The following CDH13 variants were observed in gnomAD, a reference collection of about 807,000 sequenced individuals.
CDH13 encodes the protein cadherin-13.
A neutral mutation model predicts 63.8 loss-of-function variants in CDH13; 24 were observed. The observed-to-expected ratio is 0.38, with a 90% CI of 0.27 to 0.53. The LOEUF is 0.53. CDH13 is among the 20% of genes least tolerant of loss of function. The pLI, the probability that CDH13 is intolerant of heterozygous loss-of-function variation, is 0.85. For synonymous variants in CDH13, 503 were observed against 355.3 expected, an observed-to-expected ratio of 1.42 and a Z score of -4.67; for missense variants, 1,049 against 903.1, an observed-to-expected ratio of 1.16 and a Z score of -2.07.
At chr16:83,478,835 A>AG in intron 6 of CDH13, among the ~76,000 whole-genome samples, 1 of 113,604 alleles carries the variant, frequency 8.8e-6, no homozygotes. Context: ...TTTGAAGATG[A>AG]GAAAAAAAAA....
At chr16:83,046,231 G>A (rs1917771343) in intron 3 of CDH13, among the ~76,000 whole-genome samples, 1 of 152,112 alleles carries the variant, frequency 6.6e-6, no homozygotes, top group Admixed American at 6.5e-5. Flanking sequence ...TCATCTCACT[G>A]GGGCCCATAG....
chr16:83,284,270 G>A (rs1487228963), intron 5 of CDH13, among the ~76,000 whole-genome samples: 3 of 152,174 alleles, frequency 2.0e-5, no homozygotes, highest in African/African-American at 7.2e-5. Flanking sequence ...AAGAATCTGA[G>A]TAGTCAAAGC....
intron 8 of CDH13, among the ~76,000 whole-genome samples, chr16:83,669,475 T>C (rs546811896): frequency 2.1e-4 from 32 of 152,268 alleles, no homozygotes; most frequent in Admixed American, 1.4e-3. Flanking sequence ...CAGATCAAAA[T>C]AATTGCACCC....
chr16:83,794,378 C>A (rs1395385194), intron 13 of CDH13, among the ~76,000 whole-genome samples: 1 of 151,904 alleles, frequency 6.6e-6, no homozygotes, highest in Non-Finnish European at 1.5e-5. Flanking sequence ...CATGGCGAAA[C>A]TCCATCTCTA....
At position 82,747,277 on chromosome 16, in the gene CDH13, G is replaced by A. The variant is rs111817058; in HGVS notation, c.46-111085G>A. On this transcript the variant is annotated intron_variant, in intron 1 of 13. Coordinates refer to ENST00000567109, the MANE Select transcript of CDH13 (RefSeq NM_001257.5). The stretch of plus-strand genomic sequence containing the variant: ...TCATAATCTGTAGCCAAAACCTATG[G>A]AATTGGAATCTACAATTAGAAGACC... Among the ~76,000 whole-genome samples, 970 of 152,270 alleles carry A rather than the reference G, an allele frequency of 6.4e-3. 2 individuals carry two copies. The highest frequency in any genetic ancestry group is 0.011 in the Non-Finnish European group (764 of 68,036).
chr16:83,540,640 C>T (rs537208886), intron 7 of CDH13, among the ~76,000 whole-genome samples: 1 of 152,200 alleles, frequency 6.6e-6, no homozygotes, highest in African/African-American at 2.4e-5. Flanking sequence ...CAAGTAGTAA[C>T]AGTAGTAACT....
intron 10 of CDH13, among the ~76,000 whole-genome samples, chr16:83,687,239 C>T (rs1209473856): frequency 6.6e-6 from 1 of 152,106 alleles, no homozygotes; most frequent in Admixed American, 6.6e-5. Flanking sequence ...ACATAGCTTG[C>T]ATTAGTCCAT....
chr16:83,242,951 C>T (rs557033232), intron 5 of CDH13, among the ~76,000 whole-genome samples: 4 of 152,322 alleles, frequency 2.6e-5, no homozygotes, highest in Admixed American at 2.6e-4. Flanking sequence ...AACTATTCAG[C>T]TTTTCTTACT....
Position 82,809,966 on chromosome 16 carries a change from G to T in CDH13, c.46-48396G>T, listed in dbSNP as rs186850215. On this transcript the variant is annotated intron_variant, in intron 1 of 13. Coordinates refer to ENST00000567109, the MANE Select transcript of CDH13 (RefSeq NM_001257.5). ...GTAGACTTGCTTTTAAAACATGTCA[G>T]TTCATTCTCTGTATGCCCATCTATT... Among the ~76,000 whole-genome samples, 11 of 152,290 alleles carry T rather than the reference G, an allele frequency of 7.2e-5. No individual in the cohort carries two copies. The East Asian group carries it at 7.7e-4, about 11-fold the overall frequency.
At chr16:82,754,398 T>G (rs4506890) in intron 1 of CDH13, among the ~76,000 whole-genome samples, 7,210 of 152,256 alleles carry the variant, frequency 0.047, 178 homozygotes, top group Middle Eastern at 0.058. Context: ...CCATTTCATT[T>G]TAGGGCCTGA....
chr16:83,538,367 T>C (rs2075234412), intron 7 of CDH13, among the ~76,000 whole-genome samples: 2 of 152,226 alleles, frequency 1.3e-5, no homozygotes, highest in African/African-American at 4.8e-5. Flanking sequence ...CCGTAGATGA[T>C]CAATCAGAAT....
At chr16:83,574,957 C>G (rs138564985) in intron 7 of CDH13, among the ~76,000 whole-genome samples, 2 of 152,198 alleles carry the variant, frequency 1.3e-5, no homozygotes, top group East Asian at 3.9e-4. Context: ...ATATTAATAG[C>G]AACATTACGA....
intron 7 of CDH13, among the ~76,000 whole-genome samples, chr16:83,568,870 C>G (rs1443342967): frequency 2.0e-5 from 3 of 152,168 alleles, no homozygotes; most frequent in Non-Finnish European, 4.4e-5. Flanking sequence ...CAGCTCCTGC[C>G]TCTCTTTCCT....
At chr16:83,118,476 A>G (rs2035414616) in intron 3 of CDH13, among the ~76,000 whole-genome samples, 1 of 152,168 alleles carries the variant, frequency 6.6e-6, no homozygotes, top group Admixed American at 6.5e-5. Context: ...CGCGTCTAGT[A>G]AATCTGGAAA....
chr16:82,817,110 C>T (rs555923382), intron 1 of CDH13, among the ~76,000 whole-genome samples: 3 of 151,978 alleles, frequency 2.0e-5, no homozygotes, highest in Non-Finnish European at 4.4e-5. Flanking sequence ...CACAGAGAAC[C>T]CTGAAGTCCC....
At chr16:83,647,326 A>G (rs1217452358) in intron 8 of CDH13, among the ~76,000 whole-genome samples, 1 of 151,840 alleles carries the variant, frequency 6.6e-6, no homozygotes, top group Non-Finnish European at 1.5e-5. Context: ...AAAAAAAAAA[A>G]AAAAAATTAC....
At chr16:82,918,360 G>A (rs191596077) in intron 2 of CDH13, among the ~76,000 whole-genome samples, 56 of 152,254 alleles carry the variant, frequency 3.7e-4, no homozygotes, top group Middle Eastern at 6.8e-3. Context: ...CAGTTTCTGT[G>A]ATTTTTTTGA....
intron 11 of CDH13, among the ~76,000 whole-genome samples, chr16:83,774,579 G>A (rs552311160): frequency 2.1e-4 from 32 of 152,238 alleles, no homozygotes; most frequent in African/African-American, 7.0e-4. Context: ...TCGCCATGTT[G>A]GCCAGGCCAG....
intron 2 of CDH13, among the ~76,000 whole-genome samples, chr16:82,950,880 A>G (rs1905224038): frequency 6.7e-6 from 1 of 149,558 alleles, no homozygotes; most frequent in African/African-American, 2.5e-5. Flanking sequence ...TTGTATGCAC[A>G]TGGACACAAA....
Sources: gnomAD v4.1 joint callset for allele counts (sites outside exome capture counted in the v4.1 genomes callset) on GRCh38, gnomAD v4.1.1 for gene constraint, MANE v1.5 for transcripts, NCBI Gene and HGNC (gene_info 2026-07-23, HGNC 2026-07-21) for gene names.